CPEB3: variants seen among roughly 807,000 people sequenced by gnomAD.
CPEB3 encodes cytoplasmic polyadenylation element binding protein 3, also known as cytoplasmic polyadenylation element-binding protein 3.
Under a neutral mutation model 67.2 loss-of-function variants are expected in CPEB3, and 20 were observed. The observed-to-expected ratio is 0.30, with a 90% CI of 0.21 to 0.43. CPEB3 has a LOEUF of 0.43. CPEB3 is among the 20% of genes least tolerant of loss of function. The probability of loss-of-function intolerance (pLI) is 1.00; values close to 1 mark genes in which losing one functional copy is unlikely to be tolerated. For synonymous variants in CPEB3, 376 were observed against 393.1 expected, an observed-to-expected ratio of 0.96 and a Z score of 0.51; for missense variants, 746 against 968.6, an observed-to-expected ratio of 0.77 and a Z score of 3.05.
chr10:92,048,748 G>A lies in CPEB3; in HGVS notation c.*3464C>T, dbSNP rs1852184854. 6.6e-6 allele frequency: 1 copy of A among 152,492 alleles called. No individual in the cohort carries two copies. The highest frequency in any genetic ancestry group is 1.5e-5 in the Non-Finnish European group (1 of 68,024). The allele number at this position is 152,492 out of a possible 1,614,324, so 9.4% of individuals were successfully genotyped here. A position where few individuals can be genotyped will look rare whatever the true frequency, so the allele number is the denominator to read the frequency against. On this transcript the variant is annotated 3_prime_UTR_variant, in exon 10 of 10. Coordinates refer to ENST00000265997, the MANE Select transcript of CPEB3 (RefSeq NM_014912.5). The surrounding 1 kb of genome is among the most constrained non-coding windows in gnomAD (Gnocchi z 4.1). The stretch of plus-strand genomic sequence containing the variant: ...ACACTATTGTAAACCACATCAGCAA[G>A]TTAATACATAAAGCTTTGCATTTCA...
intron 1 of CPEB3, among the ~76,000 whole-genome samples, chr10:92,266,837 G>A (rs1008548905): frequency 5.3e-5 from 8 of 151,784 alleles, no homozygotes; most frequent in African/African-American, 1.2e-4. Flanking sequence ...AGTTCGAGAC[G>A]AGCCTGGCCA....
chr10:92,171,523 TAAC>T (rs1257087404), intron 4 of CPEB3, among the ~76,000 whole-genome samples: 1 of 152,192 alleles, frequency 6.6e-6, no homozygotes, highest in Non-Finnish European at 1.5e-5. Context: ...TTTGATTGTA[TAAC>T]TAGAGTTGAG....
intron 2 of CPEB3, among the ~76,000 whole-genome samples, chr10:92,233,500 G>A (rs1851372949): frequency 1.4e-5 from 2 of 146,594 alleles, no homozygotes; most frequent in Non-Finnish European, 3.0e-5. Flanking sequence ...TCATGCCACT[G>A]CACTCCAGCT....
At chr10:92,168,561 G>A (rs1479740155) in intron 4 of CPEB3, among the ~76,000 whole-genome samples, 1 of 152,008 alleles carries the variant, frequency 6.6e-6, no homozygotes, top group Non-Finnish European at 1.5e-5. Flanking sequence ...CCCGGTGGGA[G>A]GTAATTGAAT....
intron 6 of CPEB3, among the ~76,000 whole-genome samples, chr10:92,132,377 C>G (rs559228796): frequency 1.4e-4 from 21 of 152,094 alleles, no homozygotes; most frequent in African/African-American, 5.1e-4. Flanking sequence ...AATTCCAGAC[C>G]AAAACAAGAT....
intron 2 of CPEB3, among the ~76,000 whole-genome samples, chr10:92,206,614 G>A (rs1352501377): frequency 6.6e-6 from 1 of 151,960 alleles, no homozygotes; most frequent in Non-Finnish European, 1.5e-5. Context: ...TTGTATTTAT[G>A]TTTATATATT....
At chr10:92,105,211 C>T (rs1443846318) in intron 7 of CPEB3, among the ~76,000 whole-genome samples, 2 of 152,156 alleles carry the variant, frequency 1.3e-5, no homozygotes, top group African/African-American at 2.4e-5. Context: ...AAACCAGATT[C>T]GAATGGGCCA....
chr10:92,228,540 C>T (rs565951407), intron 2 of CPEB3, among the ~76,000 whole-genome samples: 2 of 152,128 alleles, frequency 1.3e-5, no homozygotes, highest in South Asian at 2.1e-4. Context: ...AAGATGTTTC[C>T]TCTGAAATAT....
chr10:92,226,768 G>A (rs972670698), intron 2 of CPEB3, among the ~76,000 whole-genome samples: 1 of 151,788 alleles, frequency 6.6e-6, no homozygotes, highest in Non-Finnish European at 1.5e-5. Context: ...AGGGGCAAGA[G>A]AGAGGGCTGA....
chr10:92,274,349 C>T (rs1841880560), intron 1 of CPEB3, among the ~76,000 whole-genome samples: 1 of 152,144 alleles, frequency 6.6e-6, no homozygotes, highest in South Asian at 2.1e-4. Flanking sequence ...CATGGCTGCT[C>T]TTGATATTTT....
intron 7 of CPEB3, among the ~76,000 whole-genome samples, chr10:92,101,177 C>T (rs569622836): frequency 6.6e-6 from 1 of 152,084 alleles, no homozygotes; most frequent in Admixed American, 6.6e-5. Context: ...GTGGCCAGCT[C>T]GGGAAACCAT....
chr10:92,160,390 T>C (rs1847414348), intron 4 of CPEB3, among the ~76,000 whole-genome samples: 1 of 152,198 alleles, frequency 6.6e-6, no homozygotes, highest in Non-Finnish European at 1.5e-5. Flanking sequence ...GTATAATAAA[T>C]GGTAGGTAGC....
At chr10:92,104,636 C>T (rs1447761260) in intron 7 of CPEB3, among the ~76,000 whole-genome samples, 2 of 151,974 alleles carry the variant, frequency 1.3e-5, no homozygotes, top group African/African-American at 2.4e-5. Context: ...ATCCGCCCGC[C>T]TTGGCTCCCA....
At chr10:92,089,078 G>A (rs1207161656) in intron 8 of CPEB3, among the ~76,000 whole-genome samples, 5 of 152,166 alleles carry the variant, frequency 3.3e-5, no homozygotes, top group Non-Finnish European at 5.9e-5. Context: ...CAGTAATACA[G>A]TAGATGCTCA....
At chr10:92,203,348 ATATATATG>A (rs1468011844) in intron 2 of CPEB3, among the ~76,000 whole-genome samples, 1 of 146,720 alleles carries the variant, frequency 6.8e-6, no homozygotes, top group African/African-American at 2.5e-5. Context: ...ATATATATAT[ATATATATG>A]TATATATATG....
chr10:92,209,482 G>A (rs970151979), intron 2 of CPEB3, among the ~76,000 whole-genome samples: 2 of 152,030 alleles, frequency 1.3e-5, no homozygotes, highest in Non-Finnish European at 2.9e-5. Flanking sequence ...CCAAGATCGT[G>A]CCATTGCACT....
intron 7 of CPEB3, 80 bp downstream of exon 7, chr10:92,110,996 C>A: frequency 2.0e-6 from 2 of 1,017,166 alleles, no homozygotes; most frequent in Non-Finnish European, 3.1e-6. Flanking sequence ...ACCAGCATTT[C>A]CATTATCAGA....
intron 1 of CPEB3, among the ~76,000 whole-genome samples, chr10:92,259,555 C>G (rs1031423416): frequency 6.6e-6 from 1 of 151,234 alleles, no homozygotes; most frequent in East Asian, 2.0e-4. Context: ...GAGCCGAGAT[C>G]GTGCCACTGC....
chr10:92,098,113 A>T (rs1048325623), intron 7 of CPEB3, among the ~76,000 whole-genome samples: 1 of 136,722 alleles, frequency 7.3e-6, no homozygotes, highest in Non-Finnish European at 1.5e-5. Context: ...GTGAGCCAAG[A>T]TCGCGCCATT....
Sources: allele counts gnomAD v4.1 joint callset (sites outside exome capture counted in the v4.1 genomes callset), GRCh38; gene constraint gnomAD v4.1.1; non-coding constraint Gnocchi (gnomAD v3.1); transcripts MANE v1.5; gene names NCBI Gene and HGNC (gene_info 2026-07-23, HGNC 2026-07-21).